The following OBI1 variants were observed in gnomAD, a reference collection of about 807,000 sequenced individuals.
OBI1 encodes ORC ubiquitin ligase 1.
Under a neutral mutation model 62.4 loss-of-function variants are expected in OBI1, and 59 were observed. That is an observed-to-expected ratio of 0.95 (90% confidence interval 0.77 to 1.17). The LOEUF (loss-of-function observed/expected upper bound fraction) is 1.17. OBI1 is among the 50% of genes most tolerant of loss of function. The pLI is 0.00. For missense variants in OBI1, 875 were observed against 830.9 expected, an observed-to-expected ratio of 1.05 and a Z score of -0.65; for synonymous variants, 302 against 292.8, an observed-to-expected ratio of 1.03 and a Z score of -0.32.
At chr13:78,647,355 A>C (rs1876415971) in intron 1 of OBI1, among the ~76,000 whole-genome samples, 1 of 152,222 alleles carries the variant, frequency 6.6e-6, no homozygotes, top group Non-Finnish European at 1.5e-5. Context: ...CAGTTCTGAA[A>C]TAGGAGAAAA....
At chr13:78,621,324 T>C (rs1444460569) in intron 5 of OBI1, among the ~76,000 whole-genome samples, 1 of 152,176 alleles carries the variant, frequency 6.6e-6, no homozygotes, top group Non-Finnish European at 1.5e-5. Flanking sequence ...ACTTCTAGCT[T>C]TTCAGTTCAA....
intron 1 of OBI1, among the ~76,000 whole-genome samples, chr13:78,646,356 T>G (rs1206392477): frequency 6.6e-6 from 1 of 152,204 alleles, no homozygotes; most frequent in African/African-American, 2.4e-5. Context: ...TCAACAAAGG[T>G]CTGTTGAATG....
chr13:78,628,016 T>C (rs1875730424), intron 5 of OBI1, among the ~76,000 whole-genome samples: 1 of 151,512 alleles, frequency 6.6e-6, no homozygotes, highest in South Asian at 2.1e-4. Flanking sequence ...GAGCTTAGAG[T>C]TTAGAATGGA....
In OBI1 at chr13:78,615,870, TG is replaced by T; in HGVS notation, c.1890del (p.Ser631ValfsTer5). 2 of 1,614,148 alleles carry T rather than the reference TG, an allele frequency of 1.2e-6. No individual in the cohort carries two copies. The highest frequency in any genetic ancestry group is 1.7e-6 in the Non-Finnish European group (2 of 1,180,012). ...ATTTCATTAGTTACTGGACAAGAAC[TG>T]GAATGGAGTGAAAAATCTTCATTCA... ...QEMNEDFSLH[S>X]SSCPVTNEIK... On this transcript the variant is annotated frameshift_variant, in exon 6 of 6. Transcript: ENST00000282003. LOFTEE classifies it high-confidence loss of function.
At chr13:78,640,865 G>A (rs1197453915) in intron 3 of OBI1, among the ~76,000 whole-genome samples, 1 of 152,160 alleles carries the variant, frequency 6.6e-6, no homozygotes, top group Non-Finnish European at 1.5e-5. Context: ...TTTGAAGTAT[G>A]AGTGAAACCA....
intron 1 of OBI1, among the ~76,000 whole-genome samples, chr13:78,655,314 G>T (rs1445412362): frequency 6.8e-6 from 1 of 147,532 alleles, no homozygotes; most frequent in African/African-American, 2.5e-5. Flanking sequence ...ATTTCTGCTT[G>T]CTGGCCCACT....
chr13:78,643,693 GA>G (rs1416879552), intron 2 of OBI1, among the ~76,000 whole-genome samples: 1 of 151,854 alleles, frequency 6.6e-6, no homozygotes, highest in African/African-American at 2.4e-5. Flanking sequence ...GAGGCTGAGG[GA>G]GGAGAATCGC....
chr13:78,619,634 A>C (rs1380699832), intron 5 of OBI1, among the ~76,000 whole-genome samples: 1 of 152,174 alleles, frequency 6.6e-6, no homozygotes, highest in Non-Finnish European at 1.5e-5. Context: ...AGACTGACAG[A>C]AATGTATACT....
chr13:78,642,215 T>C lies in OBI1; in HGVS notation c.209-2A>G, dbSNP rs1405298484. ...TAGGTTCACTTTCACTTGTTCCTCC[T>C]GTAGGGAAAAAAAAAAAAATCCTAA... On this transcript the variant is annotated splice_acceptor_variant, in intron 2 of 5. Coordinates refer to ENST00000282003, the MANE Select transcript of OBI1 (RefSeq NM_024546.4). LOFTEE classifies it high-confidence loss of function. 5.8e-6 allele frequency: 9 copies of C among 1,562,120 alleles called. No individual in the cohort carries two copies. The highest frequency in any genetic ancestry group is 7.9e-6 in the Non-Finnish European group (9 of 1,145,790).
At chr13:78,632,943 G>A (rs1319479300) in intron 5 of OBI1, among the ~76,000 whole-genome samples, 2 of 152,192 alleles carry the variant, frequency 1.3e-5, no homozygotes, top group Non-Finnish European at 2.9e-5. Context: ...CCTTTTCTGA[G>A]CGCAGACAGA....
intron 1 of OBI1, among the ~76,000 whole-genome samples, chr13:78,653,790 T>A (rs1876615354): frequency 6.6e-6 from 1 of 152,180 alleles, no homozygotes; most frequent in African/African-American, 2.4e-5. Flanking sequence ...CCAACTGTGC[T>A]TCTAGAAAGA....
At chr13:78,624,472 A>T (rs1349706784) in intron 5 of OBI1, among the ~76,000 whole-genome samples, 1 of 152,172 alleles carries the variant, frequency 6.6e-6, no homozygotes, top group African/African-American at 2.4e-5. Flanking sequence ...TTATTCATTT[A>T]TTTTTGAGAC....
chr13:78,627,112 G>A (rs1243351612), intron 5 of OBI1, among the ~76,000 whole-genome samples: 1 of 151,994 alleles, frequency 6.6e-6, no homozygotes. Context: ...AAATAATATG[G>A]ATCTAAACTA....
chr13:78,648,279 A>AACACACACACAC (rs3064402), intron 1 of OBI1, among the ~76,000 whole-genome samples: 79 of 146,784 alleles, frequency 5.4e-4, no homozygotes, highest in Middle Eastern at 3.4e-3. Flanking sequence ...ACTTCCCCCA[A>AACACACACACAC]ACACACACAC....
chr13:78,622,658 T>C (rs1469560093), intron 5 of OBI1, among the ~76,000 whole-genome samples: 1 of 152,210 alleles, frequency 6.6e-6, no homozygotes, highest in Non-Finnish European at 1.5e-5. Context: ...TTCTTAATTA[T>C]ATCTCCCAAC....
At chr13:78,638,013 A>C (rs1352579253) in intron 4 of OBI1, among the ~76,000 whole-genome samples, 1 of 152,230 alleles carries the variant, frequency 6.6e-6, no homozygotes, top group Non-Finnish European at 1.5e-5. Context: ...ATAGTATTTT[A>C]AGGAAATGCA....
intron 1 of OBI1, among the ~76,000 whole-genome samples, chr13:78,656,792 ATTTTTT>A (rs869148028): frequency 7.4e-5 from 5 of 67,196 alleles, no homozygotes; most frequent in African/African-American, 1.3e-4. Flanking sequence ...TTTATTTTTA[ATTTTTT>A]TTTTTTTTTT....
chr13:78,654,954 T>C (rs995906733), intron 1 of OBI1, among the ~76,000 whole-genome samples: 2 of 152,194 alleles, frequency 1.3e-5, no homozygotes, highest in South Asian at 2.1e-4. Flanking sequence ...CAAAATACTC[T>C]GGTTTATTGT....
chr13:78,617,125 ACAAAGAAT>A lies in OBI1; in HGVS notation c.639-11_639-4del. The A allele has an allele frequency of 2.6e-5, 40 of 1,534,008 alleles. No individual in the cohort carries two copies. The highest frequency in any genetic ancestry group is 3.2e-5 in the Non-Finnish European group (37 of 1,144,460). On this transcript the variant is annotated splice_polypyrimidine_tract_variant and splice_region_variant and intron_variant, in intron 5 of 5. Transcript: ENST00000282003. ...CAGCAACTGCAAACCTTCCAAACCT[ACAAAGAAT>A]GGAAAGATAGTTAATCTTATAACTC...
Sources: gnomAD v4.1 joint callset for allele counts (sites outside exome capture counted in the v4.1 genomes callset) on GRCh38, gnomAD v4.1.1 for gene constraint, MANE v1.5 for transcripts, NCBI Gene and HGNC (gene_info 2026-07-23, HGNC 2026-07-21) for gene names.